Variants in PSD3 observed in about 807,000 individuals in gnomAD.
The protein encoded by PSD3 is pleckstrin and Sec7 domain containing 3.
Under a neutral mutation model 105.5 loss-of-function variants are expected in PSD3, and 49 were observed. That is an observed-to-expected ratio of 0.46 (90% CI 0.37 to 0.59). The LOEUF (loss-of-function observed/expected upper bound fraction) is 0.59, where lower values mean the gene tolerates loss of function less well. Ranked by LOEUF, PSD3 falls within the 20% of genes least tolerant of loss-of-function variation. The pLI is 0.00. For synonymous variants in PSD3, 557 were observed against 457.8 expected, an observed-to-expected ratio of 1.22 and a Z score of -2.77; for missense variants, 1,561 against 1,263.8, an observed-to-expected ratio of 1.24 and a Z score of -3.57.
chr8:18,640,354 C>T (rs140453083), intron 10 of PSD3, among the ~76,000 whole-genome samples: 3 of 152,242 alleles, frequency 2.0e-5, no homozygotes, highest in Non-Finnish European at 4.4e-5. Context: ...TTAAGTGATA[C>T]GGTTTGGCTG....
chr8:18,606,475 T>C (rs2130610662), intron 11 of PSD3, among the ~76,000 whole-genome samples: 2 of 152,362 alleles, frequency 1.3e-5, no homozygotes, highest in East Asian at 3.9e-4. Flanking sequence ...ATATTTCATC[T>C]ATCAGTTTTA....
chr8:18,859,775 AAG>A (rs1322400192), intron 4 of PSD3, among the ~76,000 whole-genome samples: 2 of 152,236 alleles, frequency 1.3e-5, no homozygotes, highest in African/African-American at 4.8e-5. Context: ...CAGAGAATTG[AAG>A]AGAGTTAGAG....
intron 9 of PSD3, among the ~76,000 whole-genome samples, chr8:18,689,046 T>C (rs967127972): frequency 6.6e-6 from 1 of 152,230 alleles, no homozygotes; most frequent in African/African-American, 2.4e-5. Context: ...AAGGACACCG[T>C]TTGGTAGATA....
chr8:18,839,249 C>G (rs1295406970), intron 4 of PSD3, among the ~76,000 whole-genome samples: 2 of 152,102 alleles, frequency 1.3e-5, no homozygotes, highest in Non-Finnish European at 2.9e-5. Context: ...CAATACAGAG[C>G]ATGGACAGAA....
At chr8:18,663,286 G>A (rs1016894947) in intron 9 of PSD3, among the ~76,000 whole-genome samples, 11 of 152,128 alleles carry the variant, frequency 7.2e-5, no homozygotes, top group African/African-American at 2.7e-4. Context: ...AATTAGCCAG[G>A]TGTGGTGACA....
chr8:18,867,835 C>G lies in PSD3; in HGVS notation c.1473G>C (p.Gln491His). 1.9e-6 allele frequency: 3 copies of G among 1,614,194 alleles called. No individual in the cohort carries two copies. The highest frequency in any genetic ancestry group is 2.5e-6 in the Non-Finnish European group (3 of 1,180,028). Residue 491 changes from glutamine to histidine, a missense_variant, in exon 4 of 16, where the codon CAG becomes CAC. Physicochemically the swap from Gln to His is conservative, Grantham distance 24 (BLOSUM62 0). Transcript: ENST00000327040. The part of the protein sequence containing the change: ...MIQQRIKEGG[Q>H]FLERTSGGGH... Reference sequence around the variant, plus strand: ...CTCCCCCTGATGTCCTCTCCAAGAACTGACCACCTTCTTTAATGCGCTGTT... The same window carrying G: ...CTCCCCCTGATGTCCTCTCCAAGAAGTGACCACCTTCTTTAATGCGCTGTT...
At chr8:19,054,453 G>A (rs1051776273) in intron 1 of PSD3, among the ~76,000 whole-genome samples, 1 of 151,980 alleles carries the variant, frequency 6.6e-6, no homozygotes, top group African/African-American at 2.4e-5. Context: ...TTGAGGGAAA[G>A]AAAAAAGAAA....
At chr8:18,879,737 T>C (rs1817994652) in intron 2 of PSD3, among the ~76,000 whole-genome samples, 2 of 152,134 alleles carry the variant, frequency 1.3e-5, no homozygotes, top group African/African-American at 2.4e-5. Context: ...ACCACAGGCA[T>C]GTGCCATCTC....
At chr8:18,924,492 G>A (rs537573962) in intron 2 of PSD3, 39 of 152,170 alleles carry the variant, frequency 2.6e-4, no homozygotes, top group Admixed American at 1.7e-3. Context: ...ACTTCTATCC[G>A]TGGTGAAAAC....
intron 1 of PSD3, among the ~76,000 whole-genome samples, chr8:19,036,267 T>G (rs867693214): frequency 2.0e-5 from 3 of 152,104 alleles, no homozygotes; most frequent in Admixed American, 6.6e-5. Context: ...ACTTCCCCAG[T>G]GGCCCCCAAT....
intron 2 of PSD3, among the ~76,000 whole-genome samples, chr8:18,889,589 AC>A (rs1406827419): frequency 6.6e-6 from 1 of 152,128 alleles, no homozygotes; most frequent in Non-Finnish European, 1.5e-5. Context: ...GAAAAAACAA[AC>A]AAACAAACAA....
intron 9 of PSD3, among the ~76,000 whole-genome samples, chr8:18,675,807 A>G (rs1370773930): frequency 2.0e-5 from 3 of 152,214 alleles, no homozygotes; most frequent in Admixed American, 6.5e-5. Flanking sequence ...TTAATATCAT[A>G]AATTAACAAG....
intron 12 of PSD3, among the ~76,000 whole-genome samples, chr8:18,579,394 A>G: frequency 6.6e-6 from 1 of 152,220 alleles, no homozygotes; most frequent in Non-Finnish European, 1.5e-5. Flanking sequence ...TCTGTAAGAA[A>G]AGAAAATGCT....
At chr8:18,752,312 A>G (rs1335483438) in intron 9 of PSD3, among the ~76,000 whole-genome samples, 1 of 149,178 alleles carries the variant, frequency 6.7e-6, no homozygotes, top group African/African-American at 2.5e-5. Context: ...TTTGTTGAGT[A>G]TCTGATCTGT....
intron 15 of PSD3, among the ~76,000 whole-genome samples, chr8:18,541,570 A>G (rs1800150975): frequency 6.6e-6 from 1 of 152,094 alleles, no homozygotes; most frequent in Non-Finnish European, 1.5e-5. Flanking sequence ...AGGCTTGTCC[A>G]CTTCCACTGC....
chr8:19,044,184 A>G (rs1384968496), intron 1 of PSD3, among the ~76,000 whole-genome samples: 1 of 152,130 alleles, frequency 6.6e-6, no homozygotes, highest in Admixed American at 6.6e-5. Flanking sequence ...CTGCTTATCA[A>G]TATTTATCAC....
intron 4 of PSD3, among the ~76,000 whole-genome samples, chr8:18,841,551 T>A (rs1466141661): frequency 6.6e-6 from 1 of 152,120 alleles, no homozygotes; most frequent in Admixed American, 6.5e-5. Context: ...TCTCTAGGTC[T>A]CATGTGGAAG....
chr8:18,836,632 T>C (rs894838256), intron 4 of PSD3, among the ~76,000 whole-genome samples: 1 of 152,218 alleles, frequency 6.6e-6, no homozygotes, highest in Non-Finnish European at 1.5e-5. Flanking sequence ...CCACAATTTA[T>C]GGACGCTCCA....
intron 3 of PSD3, among the ~76,000 whole-genome samples, chr8:18,868,705 C>T (rs1817125030): frequency 6.6e-6 from 1 of 152,174 alleles, no homozygotes; most frequent in South Asian, 2.1e-4. Context: ...AGTCAACATA[C>T]AGGGTAGGGC....
Sources: allele counts gnomAD v4.1 joint callset (sites outside exome capture counted in the v4.1 genomes callset), GRCh38; gene constraint gnomAD v4.1.1; transcripts MANE v1.5; gene names NCBI Gene and HGNC (gene_info 2026-07-23, HGNC 2026-07-21).